Variants in DMD observed in about 807,000 individuals in gnomAD.
DMD encodes mutant dystrophin.
A neutral mutation model predicts 330.1 loss-of-function variants in DMD; 63 were observed. That is an observed-to-expected ratio of 0.19 (90% CI 0.16 to 0.24). DMD has a LOEUF of 0.24. Ranked by LOEUF, DMD falls within the 10% of genes least tolerant of loss-of-function variation. The pLI, the probability that DMD is intolerant of heterozygous loss-of-function variation, is 1.00. For synonymous variants in DMD, 1,223 were observed against 959.8 expected (o/e 1.27, Z -5.07); for missense variants, 3,344 against 2,684.1 (o/e 1.25, Z -5.43).
chrX:32,124,279 C>A (rs2096651249), intron 44 of DMD, among the ~76,000 whole-genome samples: 1 of 112,383 alleles, frequency 8.9e-6, no homozygotes, highest in Non-Finnish European at 1.9e-5. Flanking sequence ...AGCTTTAAAA[C>A]ATTAATTTAT....
At chrX:32,877,872 G>A (rs1382161970) in intron 2 of DMD, among the ~76,000 whole-genome samples, 2 of 111,700 alleles carry the variant, frequency 1.8e-5, no homozygotes, top group African/African-American at 6.5e-5. Context: ...ACTGAGGCTG[G>A]CACTTTGCCT....
intron 2 of DMD, among the ~76,000 whole-genome samples, chrX:32,870,970 A>G (rs1275342820): frequency 2.4e-4 from 17 of 70,374 alleles, no homozygotes; most frequent in Admixed American, 3.5e-4. Context: ...AAAAAAAAAA[A>G]AAAAAAAAAA....
At chrX:32,576,875 AT>A (rs2053116692) in intron 13 of DMD, among the ~76,000 whole-genome samples, 1 of 111,468 alleles carries the variant, frequency 9.0e-6, no homozygotes. Flanking sequence ...TTCAGCTAAT[AT>A]CTAGGTTACA....
intron 48 of DMD, among the ~76,000 whole-genome samples, chrX:31,838,603 CT>C (rs2093254398): frequency 3.6e-5 from 4 of 112,005 alleles, no homozygotes; most frequent in African/African-American, 1.3e-4. Flanking sequence ...ATTGATATAG[CT>C]AATTACTGGT....
chrX:33,080,429 C>T (rs1363942214), intron 1 of DMD, among the ~76,000 whole-genome samples: 5 of 111,745 alleles, frequency 4.5e-5, no homozygotes, highest in African/African-American at 1.6e-4. Context: ...AGCCATATTC[C>T]TATGCCTTAT....
At chrX:32,185,179 CCT>C (rs1428690240) in intron 44 of DMD, among the ~76,000 whole-genome samples, 1 of 111,061 alleles carries the variant, frequency 9.0e-6, no homozygotes, top group African/African-American at 3.3e-5. Context: ...TTCTGAACTC[CCT>C]CTTTTCTACC....
intron 78 of DMD, among the ~76,000 whole-genome samples, chrX:31,124,425 T>C (rs1469972641): frequency 9.0e-6 from 1 of 111,674 alleles, no homozygotes; most frequent in Non-Finnish European, 1.9e-5. Context: ...CTATAGAAAG[T>C]AGATTTGTAT....
At chrX:31,310,924 A>G (rs1191712186) in intron 62 of DMD, among the ~76,000 whole-genome samples, 1 of 110,764 alleles carries the variant, frequency 9.0e-6, no homozygotes, top group Non-Finnish European at 1.9e-5. Context: ...AAACATATTA[A>G]TTGCCCAGAT....
chrX:31,867,871 A>G (rs2093827440), intron 48 of DMD, among the ~76,000 whole-genome samples: 2 of 111,215 alleles, frequency 1.8e-5, no homozygotes, highest in African/African-American at 3.3e-5. Context: ...AGGGAAAAAA[A>G]AAATTTCTTG....
chrX:31,492,337 T>C (rs1315100226), intron 57 of DMD, among the ~76,000 whole-genome samples: 2 of 112,164 alleles, frequency 1.8e-5, no homozygotes, highest in Non-Finnish European at 3.8e-5. Flanking sequence ...TTTCCATTGT[T>C]CTTTTGCCCA....
intron 17 of DMD, among the ~76,000 whole-genome samples, chrX:32,522,165 A>G (rs1040443094): frequency 8.9e-6 from 1 of 112,049 alleles, no homozygotes; most frequent in East Asian, 2.8e-4. Context: ...AATGTATTGC[A>G]AAGTCTAATC....
chrX:32,661,417 A>T (rs959099747), intron 9 of DMD, among the ~76,000 whole-genome samples: 1 of 111,266 alleles, frequency 9.0e-6, no homozygotes, highest in Admixed American at 9.6e-5. Flanking sequence ...TAAAGGTTAG[A>T]AACTTGCCCA....
At chrX:31,822,467 C>G (rs1222647737) in intron 49 of DMD, among the ~76,000 whole-genome samples, 1 of 111,847 alleles carries the variant, frequency 8.9e-6, no homozygotes, top group Non-Finnish European at 1.9e-5. Flanking sequence ...ATTACATTCT[C>G]TTCTAAAACC....
intron 67 of DMD, among the ~76,000 whole-genome samples, chrX:31,183,990 T>A (rs2041461934): frequency 9.1e-6 from 1 of 109,539 alleles, no homozygotes; most frequent in South Asian, 4.1e-4. Context: ...GCTCCTGCAA[T>A]CTCCGCCTCC....
intron 7 of DMD, among the ~76,000 whole-genome samples, chrX:32,781,865 A>C (rs2074799321): frequency 9.0e-6 from 1 of 111,376 alleles, no homozygotes; most frequent in East Asian, 2.8e-4. Context: ...GTCACCTTTA[A>C]GAGACATAAA....
Position 32,715,966 on chromosome X carries a change from T to C in DMD, c.650-16673A>G, listed in dbSNP as rs1305700521. 3.6e-5 allele frequency among the ~76,000 whole-genome samples: 4 copies of C among 111,656 alleles called. 1 individual carries two copies. The highest frequency in any genetic ancestry group is 1.3e-4 in the African/African-American group (4 of 30,742). On this transcript the variant is annotated intron_variant, in intron 7 of 78. Transcript: ENST00000357033. ...ATGCTGAGTATCATTTTATTACCACTGTACATTTCCTAATTTTGAGATCAT... is the reference window on the plus strand; with the variant it reads ...ATGCTGAGTATCATTTTATTACCACCGTACATTTCCTAATTTTGAGATCAT...
chrX:32,735,616 T>C (rs1261284129), intron 7 of DMD, among the ~76,000 whole-genome samples: 1 of 110,817 alleles, frequency 9.0e-6, no homozygotes, highest in African/African-American at 3.3e-5. Flanking sequence ...ACGCCGCATA[T>C]CTACCACTAT....
rs918586567 is a variant in DMD at position 32,225,411 on chromosome X, C to T, written c.6291-8348G>A. 3.6e-5 allele frequency among the ~76,000 whole-genome samples: 4 copies of T among 111,707 alleles called. No individual in the cohort carries two copies. The Admixed American group carries it at 3.8e-4, about 11-fold the overall frequency. ...ATTATGACATAGCTCCAAATTTCAGCCCTTATCTGAGGTATATAGCCAACT... is the reference window on the plus strand; with the variant it reads ...ATTATGACATAGCTCCAAATTTCAGTCCTTATCTGAGGTATATAGCCAACT... On this transcript the variant is annotated intron_variant, in intron 43 of 78. Transcript: ENST00000357033.
chrX:32,266,603 T>G (rs1384006386), intron 43 of DMD, among the ~76,000 whole-genome samples: 2 of 111,976 alleles, frequency 1.8e-5, no homozygotes, highest in Non-Finnish European at 1.9e-5. Flanking sequence ...TGAAAATCAT[T>G]TACAGAATTA....
Sources: gnomAD v4.1 joint callset for allele counts (sites outside exome capture counted in the v4.1 genomes callset) on GRCh38, gnomAD v4.1.1 for gene constraint, MANE v1.5 for transcripts, NCBI Gene and HGNC (gene_info 2026-07-23, HGNC 2026-07-21) for gene names.